Variants in ABCA12 observed in about 807,000 individuals in gnomAD.
ABCA12 encodes ATP binding cassette subfamily A member 12.
In ABCA12, 156 loss-of-function variants were observed where a neutral mutation model predicts 293.5. The ratio of observed to expected loss-of-function variants is 0.53; its 90% confidence interval spans 0.47 to 0.61. The LOEUF is 0.61. Ranked by LOEUF, ABCA12 falls within the 20% of genes least tolerant of loss-of-function variation. ABCA12 has a pLI of 0.00. For missense variants in ABCA12, 2,797 were observed against 3,090.2 expected, an observed-to-expected ratio of 0.91 and a Z score of 2.25; for synonymous variants, 1,063 against 1,108.0, an observed-to-expected ratio of 0.96 and a Z score of 0.81.
At chr2:214,953,494 T>C (rs1308900586) in intron 44 of ABCA12, among the ~76,000 whole-genome samples, 1 of 152,194 alleles carries the variant, frequency 6.6e-6, no homozygotes, top group Non-Finnish European at 1.5e-5. Context: ...CTCAATCCTC[T>C]TTCCCCATTT....
At position 215,007,781 on chromosome 2, in the gene ABCA12, C is replaced by T. The variant is rs766017844; in HGVS notation, c.2538G>A (p.Ser846=). The change falls in exon 19 of 53, where the codon TCG becomes TCA. Residue 846 remains serine (S), a synonymous_variant. Coordinates refer to ENST00000272895, the MANE Select transcript of ABCA12 (RefSeq NM_173076.3). The part of the protein sequence containing the change: ...REKSQEWMDK[S]PLFMNSFHLL... ...GATGGAAGGAATTCATGAAAAGTGG[C>T]GACTTATCCATCCACTCTTGAGATT... 42 of 1,613,818 alleles carry T rather than the reference C, an allele frequency of 2.6e-5. No individual in the cohort carries two copies. Among genetic ancestry groups the T allele is most frequent in the African/African-American group, 4.0e-5 (3 of 74,912 alleles).
At chr2:214,977,026 A>G (rs1210744900) in intron 33 of ABCA12, among the ~76,000 whole-genome samples, 1 of 152,238 alleles carries the variant, frequency 6.6e-6, no homozygotes, top group African/African-American at 2.4e-5. Flanking sequence ...AAAAAATACA[A>G]AGCTGCTTAA....
chr2:214,942,001 G>A (rs923706739), intron 50 of ABCA12, among the ~76,000 whole-genome samples: 5 of 152,098 alleles, frequency 3.3e-5, no homozygotes, highest in Non-Finnish European at 1.5e-5. Context: ...CTGTCATTAT[G>A]ACGCTAGCTG....
Position 214,970,285 on chromosome 2 carries a change from A to C in ABCA12, c.5678T>G (p.Phe1893Cys). ...CAGATTATTTTACCTTTTTTGGACA[A>C]ACTCATTTGCAGTTGATATAAGATA... ...ENYLISTANE[F>C]VQKRYGGWSF... Residue 1893 changes from phenylalanine (F) to cysteine (C), a missense_variant, in exon 37 of 53, where the codon TTT (phenylalanine) becomes TGT (cysteine). This residue lies in a region of ABCA12 where 2,130 missense variants were observed against 2,427.0 expected (regional missense o/e 0.88). Coordinates refer to ENST00000272895, the MANE Select transcript of ABCA12 (RefSeq NM_173076.3). 7 of 1,611,114 alleles carry C rather than the reference A, an allele frequency of 4.3e-6. No homozygotes were observed. The highest frequency in any genetic ancestry group is 3.4e-6 in the Non-Finnish European group (4 of 1,178,798).
intron 50 of ABCA12, 42 bp from the exon 51 acceptor site, chr2:214,937,657 G>T: frequency 7.1e-7 from 1 of 1,411,520 alleles, no homozygotes; most frequent in Non-Finnish European, 1.0e-6. Context: ...ATTACATTTT[G>T]CTGAAATAGC....
intron 11 of ABCA12, among the ~76,000 whole-genome samples, chr2:215,024,168 C>T (rs1700690360): frequency 6.6e-6 from 1 of 152,214 alleles, no homozygotes; most frequent in South Asian, 2.1e-4. Flanking sequence ...AGAATTTCTT[C>T]TCTCCACCTC....
intron 20 of ABCA12, among the ~76,000 whole-genome samples, chr2:215,003,359 C>A (rs1385076343): frequency 6.6e-6 from 1 of 152,132 alleles, no homozygotes; most frequent in East Asian, 1.9e-4. Flanking sequence ...TCCTTTTAAA[C>A]GACCATGTGA....
intron 1 of ABCA12, among the ~76,000 whole-genome samples, chr2:215,125,887 A>G (rs531231934): frequency 6.6e-6 from 1 of 152,242 alleles, no homozygotes; most frequent in Non-Finnish European, 1.5e-5. Flanking sequence ...CTCAGAGGGA[A>G]TGCTTTCAAC....
At chr2:215,107,260 G>A (rs187431051) in intron 2 of ABCA12, among the ~76,000 whole-genome samples, 11 of 152,136 alleles carry the variant, frequency 7.2e-5, no homozygotes, top group African/African-American at 2.2e-4. Flanking sequence ...TAAGCTTGCC[G>A]CACATTACAG....
At chr2:215,123,523 A>T (rs1197203530) in intron 1 of ABCA12, among the ~76,000 whole-genome samples, 1 of 152,134 alleles carries the variant, frequency 6.6e-6, no homozygotes, top group East Asian at 1.9e-4. Flanking sequence ...GGTTGTTTCC[A>T]TGACTTTGCT....
chr2:215,017,285 C>A (rs897156177), intron 14 of ABCA12, among the ~76,000 whole-genome samples: 1 of 152,134 alleles, frequency 6.6e-6, no homozygotes, highest in South Asian at 2.1e-4. Flanking sequence ...GGAAAATTTC[C>A]ATGACACTTC....
At chr2:215,085,851 A>G (rs1702028304) in intron 2 of ABCA12, among the ~76,000 whole-genome samples, 1 of 152,232 alleles carries the variant, frequency 6.6e-6, no homozygotes. Context: ...CATCAAATAC[A>G]TAGGCACTTG....
intron 2 of ABCA12, among the ~76,000 whole-genome samples, chr2:215,087,052 C>T (rs1575034970): frequency 6.6e-6 from 1 of 152,120 alleles, no homozygotes; most frequent in South Asian, 2.1e-4. Context: ...AAGCTATTCT[C>T]CTGCCTCAGC....
chr2:214,983,542 T>G, intron 29 of ABCA12, 105 bp downstream of exon 29: 2 of 1,004,954 alleles, frequency 2.0e-6, no homozygotes, highest in Non-Finnish European at 3.1e-6. Context: ...AATTATTTCG[T>G]GAGAAAATAT....
At chr2:214,949,620 G>A (rs1363078653) in intron 45 of ABCA12, among the ~76,000 whole-genome samples, 2 of 152,152 alleles carry the variant, frequency 1.3e-5, no homozygotes, top group Non-Finnish European at 1.5e-5. Flanking sequence ...AGAAAACCAA[G>A]TGGCACAGCC....
Position 214,978,834 on chromosome 2 carries a change from G to A in ABCA12, c.4947C>T (p.Cys1649=). The A allele has an allele frequency of 1.9e-6, 3 of 1,613,984 alleles. No individual in the cohort carries two copies. Among genetic ancestry groups the A allele is most frequent in the Non-Finnish European group, 2.5e-6 (3 of 1,179,946 alleles). The change falls in exon 32 of 53, where the codon TGC becomes TGT. Residue 1649 remains cysteine (C), a synonymous_variant. Transcript: ENST00000272895. ...CCACGGTGGTATCTGAAATGCCGTA[G>A]CACCCGATGTTGAGGTCACCCATGC... ...DNGMGDLNIG[C]YGISDTTVEE...
At chr2:215,090,229 C>T (rs1435629305) in intron 2 of ABCA12, among the ~76,000 whole-genome samples, 1 of 152,190 alleles carries the variant, frequency 6.6e-6, no homozygotes, top group Admixed American at 6.5e-5. Flanking sequence ...ATCAGCCCAC[C>T]TGCACCCAGG....
rs114863111 is a variant in ABCA12, at chr2:214,987,734, G to A, written c.3889C>T (p.Arg1297Ter). 14 of 1,613,918 alleles carry A rather than the reference G, an allele frequency of 8.7e-6. No individual in the cohort carries two copies. The highest frequency in any genetic ancestry group is 2.2e-5 in the East Asian group (1 of 44,850). ...FPILPSYWKE[R>*]FGCAEVKPEK... ...GGCTTCACCTCTGCACACCCAAATCGCTCCTTCCAATAGGAAGGAAGAATT... is the reference window on the plus strand; with the variant it reads ...GGCTTCACCTCTGCACACCCAAATCACTCCTTCCAATAGGAAGGAAGAATT... The change falls in exon 27 of 53, where the codon CGA becomes TGA. Residue 1297 changes from arginine to a stop codon, truncating the protein, a stop_gained. Coordinates refer to ENST00000272895, the MANE Select transcript of ABCA12 (RefSeq NM_173076.3). LOFTEE classifies it high-confidence loss of function.
chr2:215,125,205 G>A (rs931345273), intron 1 of ABCA12, among the ~76,000 whole-genome samples: 1 of 152,106 alleles, frequency 6.6e-6, no homozygotes, highest in African/African-American at 2.4e-5. Flanking sequence ...GGTGACTATG[G>A]CCTTATAGTA....
Sources: gnomAD v4.1 joint callset for allele counts (sites outside exome capture counted in the v4.1 genomes callset) on GRCh38, gnomAD v4.1.1 for gene constraint, gnomAD v4.1.1 regional missense constraint, MANE v1.5 for transcripts, NCBI Gene and HGNC (gene_info 2026-07-23, HGNC 2026-07-21) for gene names.